HPGDS: variants seen among roughly 807,000 people sequenced by gnomAD.
The protein encoded by HPGDS is hematopoietic prostaglandin D synthase.
HPGDS carries 26 observed loss-of-function variants against 23.1 expected under a neutral mutation model. The observed-to-expected ratio is 1.13, with a 90% confidence interval of 0.83 to 1.56. The LOEUF (loss-of-function observed/expected upper bound fraction) is 1.56. HPGDS is among the 40% of genes most tolerant of loss of function. HPGDS has a pLI of 0.00. For missense variants in HPGDS, 268 were observed against 236.4 expected, an observed-to-expected ratio of 1.13 and a Z score of -0.88; for synonymous variants, 95 against 77.9, an observed-to-expected ratio of 1.22 and a Z score of -1.16.
intron 1 of HPGDS, among the ~76,000 whole-genome samples, chr4:94,336,960 GTTTT>G (rs1721033499): frequency 6.6e-6 from 1 of 151,642 alleles, no homozygotes; most frequent in Admixed American, 6.6e-5. Flanking sequence ...GTTTTGTTTC[GTTTT>G]GTTTCGTTTT....
chr4:94,331,893 GA>G (rs1232739440), intron 2 of HPGDS, among the ~76,000 whole-genome samples: 1 of 152,136 alleles, frequency 6.6e-6, no homozygotes, highest in Non-Finnish European at 1.5e-5. Context: ...GGTCCCCAGT[GA>G]AACCCCACCT....
At chr4:94,305,397 T>C (rs17376488) in intron 4 of HPGDS, among the ~76,000 whole-genome samples, 57,449 of 151,992 alleles carry the variant, frequency 0.38, 11,897 homozygotes, top group East Asian at 0.72. Flanking sequence ...CTACACACCT[T>C]ACATTTATAT....
chr4:94,318,113 T>C, intron 2 of HPGDS, 148 bp from the exon 3 acceptor site: 1 of 627,344 alleles, frequency 1.6e-6, no homozygotes, highest in Non-Finnish European at 2.8e-6. Context: ...TGACAACTTG[T>C]AGTGGAATAT....
At chr4:94,308,776 T>A in intron 3 of HPGDS, 33 bp from the exon 4 acceptor site, 1 of 1,121,476 alleles carries the variant, frequency 8.9e-7, no homozygotes, top group African/African-American at 1.5e-5. Context: ...TCAATATGTT[T>A]AATTTACTAT....
At chr4:94,307,513 A>G (rs1756161099) in intron 4 of HPGDS, among the ~76,000 whole-genome samples, 1 of 152,106 alleles carries the variant, frequency 6.6e-6, no homozygotes, top group Non-Finnish European at 1.5e-5. Context: ...TAAACAATGG[A>G]GTAAACAAAG....
At position 94,299,521 on chromosome 4, in the gene HPGDS, C is replaced by G. The variant is rs76328980; in HGVS notation, c.559G>C (p.Val187Leu). ...LRKKVQAIPA[V>L]ANWIKRRPQT... The stretch of plus-strand genomic sequence containing the variant: ...GGCCTTCGTTTTATCCAGTTAGCGA[C>G]GGCAGGAATGGCTTGGACTTTCTTC... The change falls in exon 6 of 6, where the codon GTC becomes CTC. Residue 187 changes from valine (V) to leucine (L), a missense_variant. Coordinates refer to ENST00000295256, the MANE Select transcript of HPGDS (RefSeq NM_014485.3). 6.2e-7 allele frequency: 1 copy of G among 1,613,308 alleles called. No individual in the cohort carries two copies. The highest frequency in any genetic ancestry group is 1.7e-5 in the Admixed American group (1 of 59,922).
Position 94,317,969 on chromosome 4 carries a change from A to G in HPGDS, c.134-4T>C, listed in dbSNP as rs770659158. 6.4e-7 allele frequency: 1 copy of G among 1,560,124 alleles called. No individual in the cohort carries two copies. The highest frequency in any genetic ancestry group is 8.8e-7 in the Non-Finnish European group (1 of 1,133,076). On this transcript the variant is annotated splice_polypyrimidine_tract_variant and splice_region_variant and intron_variant, in intron 2 of 5. Coordinates refer to ENST00000295256, the MANE Select transcript of HPGDS (RefSeq NM_014485.3). ...GGGATTTTTCCAAATGGGAGAGCTT[A>G]AAATGAAATGAGCAAATAATTAACT...
At chr4:94,317,033 T>G (rs1049314081) in intron 3 of HPGDS, among the ~76,000 whole-genome samples, 22 of 152,242 alleles carry the variant, frequency 1.4e-4, no homozygotes, top group Non-Finnish European at 5.9e-5. Context: ...AACACAAAAC[T>G]TTGTATTTTT....
chr4:94,314,242 G>A (rs969333872), intron 3 of HPGDS, among the ~76,000 whole-genome samples: 4 of 152,140 alleles, frequency 2.6e-5, no homozygotes, highest in African/African-American at 9.7e-5. Context: ...CAGTTTTTCT[G>A]CTCTGTTTTT....
intron 3 of HPGDS, 82 bp from the exon 4 acceptor site, chr4:94,308,825 G>A: frequency 1.5e-6 from 1 of 671,080 alleles, no homozygotes. Flanking sequence ...ATACTCATAT[G>A]GTTGAAAATT....
At chr4:94,317,196 G>A (rs769929323) in intron 3 of HPGDS, among the ~76,000 whole-genome samples, 32 of 152,134 alleles carry the variant, frequency 2.1e-4, no homozygotes, top group Non-Finnish European at 4.3e-4. Flanking sequence ...TTGATTGAAA[G>A]AAACGAGCTT....
chr4:94,320,900 G>C (rs374645358), intron 2 of HPGDS, among the ~76,000 whole-genome samples: 2 of 152,038 alleles, frequency 1.3e-5, no homozygotes, highest in South Asian at 2.1e-4. Context: ...TTTTAGGTCT[G>C]ACATTGAAGT....
chr4:94,314,004 C>T (rs958919558), intron 3 of HPGDS, among the ~76,000 whole-genome samples: 1 of 152,176 alleles, frequency 6.6e-6, no homozygotes, highest in Non-Finnish European at 1.5e-5. Flanking sequence ...CCTTTAAGGA[C>T]TTCTCTGCAT....
intron 1 of HPGDS, among the ~76,000 whole-genome samples, chr4:94,341,093 T>G (rs535802033): frequency 2.6e-5 from 4 of 151,210 alleles, no homozygotes; most frequent in Admixed American, 1.3e-4. Flanking sequence ...AGCCTCGGCC[T>G]CCCAAAATGT....
chr4:94,300,434 A>AAAGAGTG (rs1280054847), intron 5 of HPGDS, among the ~76,000 whole-genome samples: 1 of 152,210 alleles, frequency 6.6e-6, no homozygotes, highest in Non-Finnish European at 1.5e-5. Context: ...TATGATTATC[A>AAAGAGTG]AAGAGTGAAG....
chr4:94,334,346 G>C, intron 2 of HPGDS, 151 bp downstream of exon 2: 1 of 579,788 alleles, frequency 1.7e-6, no homozygotes, highest in South Asian at 4.2e-5. Context: ...AAATTTGCTT[G>C]ATCACACAGC....
At chr4:94,333,129 G>C (rs1415359893) in intron 2 of HPGDS, among the ~76,000 whole-genome samples, 3 of 152,174 alleles carry the variant, frequency 2.0e-5, no homozygotes, top group African/African-American at 7.2e-5. Context: ...TGTCGTAGCA[G>C]GTTTCAAGCA....
rs1015572812 is a variant in HPGDS at position 94,342,811 on chromosome 4, G to A, written c.-26C>T. 17 of 152,058 alleles carry A rather than the reference G, an allele frequency of 1.1e-4. No individual in the cohort carries two copies. The highest frequency in any genetic ancestry group is 3.4e-4 in the African/African-American group (14 of 41,384). 9.4% of individuals were successfully genotyped at this position (152,058 alleles called of 1,614,324 possible). On this transcript the variant is annotated 5_prime_UTR_variant, in exon 1 of 6. Transcript: ENST00000295256. ...ATGACTTACCTGTGTTATGTCTCTC[G>A]GGAGTCTGCAGTGTCTTGTATCCCT...
intron 2 of HPGDS, among the ~76,000 whole-genome samples, chr4:94,318,885 G>T (rs1404789478): frequency 6.6e-6 from 1 of 152,086 alleles, no homozygotes; most frequent in African/African-American, 2.4e-5. Context: ...GATAAGTTTT[G>T]TATTTTTAGT....
Sources: allele counts gnomAD v4.1 joint callset (sites outside exome capture counted in the v4.1 genomes callset), GRCh38; gene constraint gnomAD v4.1.1; transcripts MANE v1.5; gene names NCBI Gene and HGNC (gene_info 2026-07-23, HGNC 2026-07-21).